MTUS2: variants seen among roughly 807,000 people sequenced by gnomAD.
MTUS2 encodes the protein microtubule-associated tumor suppressor candidate 2.
Under a neutral mutation model 114.1 loss-of-function variants are expected in MTUS2, and 40 were observed. That is an observed-to-expected ratio of 0.35 (90% confidence interval 0.27 to 0.46). The LOEUF (loss-of-function observed/expected upper bound fraction) is 0.46, where lower values mean the gene tolerates loss of function less well. Among genes scored for constraint, MTUS2 ranks in the 20% least tolerant of loss-of-function variants. MTUS2 has a pLI of 1.00. For missense variants in MTUS2, 1,679 were observed against 1,705.4 expected, an observed-to-expected ratio of 0.98 and a Z score of 0.27; for synonymous variants, 688 against 672.0, an observed-to-expected ratio of 1.02 and a Z score of -0.37.
chr13:29,269,927 A>G, intron 5 of MTUS2, among the ~76,000 whole-genome samples: 1 of 152,202 alleles, frequency 6.6e-6, no homozygotes, highest in East Asian at 1.9e-4. Context: ...TTTTGAGGAC[A>G]TTATCCTAAG....
intron 8 of MTUS2, among the ~76,000 whole-genome samples, chr13:29,413,572 A>G (rs1443695700): frequency 1.1e-5 from 1 of 88,668 alleles, no homozygotes; most frequent in African/African-American, 4.4e-5. Context: ...AAGGGCTAAT[A>G]TCCAGAATCT....
intron 6 of MTUS2, 83 bp downstream of exon 6, chr13:29,281,948 C>A: frequency 4.3e-6 from 6 of 1,404,628 alleles, no homozygotes; most frequent in Non-Finnish European, 5.8e-6. Context: ...CCCCTGTGTA[C>A]ATCAGTTATT....
chr13:28,966,744 A>C (rs1009714632), intron 2 of MTUS2, among the ~76,000 whole-genome samples: 18 of 151,754 alleles, frequency 1.2e-4, no homozygotes, highest in East Asian at 1.9e-4. Context: ...AAAAAAAAAA[A>C]AAAACAAAGA....
intron 9 of MTUS2, among the ~76,000 whole-genome samples, chr13:29,474,401 A>G (rs1278055379): frequency 6.6e-6 from 1 of 152,196 alleles, no homozygotes; most frequent in Non-Finnish European, 1.5e-5. Context: ...AATTATGACA[A>G]TAATTTTAAA....
rs776810165 is a variant in MTUS2, at chr13:29,025,263, A to G, written c.565A>G (p.Ser189Gly). Residue 189 changes from serine (S) to glycine (G), a missense_variant, in exon 3 of 16, where the codon AGC becomes GGC. Physicochemically the swap from Ser to Gly is moderately conservative, Grantham distance 56. Coordinates refer to ENST00000612955, the MANE Select transcript of MTUS2 (RefSeq NM_001033602.4). ...RASSSVAAVG[S>G]LTPQHPQPLS... Reference sequence around the variant, plus strand: ...AAGCAGCTCTGTAGCTGCAGTCGGGAGCCTGACTCCGCAGCATCCACAGCC... The same window carrying G: ...AAGCAGCTCTGTAGCTGCAGTCGGGGGCCTGACTCCGCAGCATCCACAGCC... 1 of 1,613,934 alleles carries G rather than the reference A, an allele frequency of 6.2e-7. No homozygotes were observed. Among genetic ancestry groups the G allele is most frequent in the South Asian group, 1.1e-5 (1 of 91,058 alleles).
chr13:29,082,613 T>C (rs1483231712), intron 4 of MTUS2, among the ~76,000 whole-genome samples: 2 of 152,144 alleles, frequency 1.3e-5, no homozygotes, highest in Non-Finnish European at 2.9e-5. Flanking sequence ...AGGGCCCACG[T>C]TTGGCCCTGT....
intron 2 of MTUS2, among the ~76,000 whole-genome samples, chr13:29,004,184 T>A (rs1885502821): frequency 6.7e-6 from 1 of 148,716 alleles, no homozygotes; most frequent in African/African-American, 2.5e-5. Context: ...AAAGGATATA[T>A]GGGCACGCAC....
At chr13:28,862,794 A>C (rs1877072781) in intron 2 of MTUS2, among the ~76,000 whole-genome samples, 1 of 152,212 alleles carries the variant, frequency 6.6e-6, no homozygotes, top group African/African-American at 2.4e-5. Flanking sequence ...ATTGAACATG[A>C]TAGTAAAGGA....
At chr13:29,477,516 A>T (rs1372362245) in intron 9 of MTUS2, among the ~76,000 whole-genome samples, 1 of 152,214 alleles carries the variant, frequency 6.6e-6, no homozygotes, top group Non-Finnish European at 1.5e-5. Context: ...CCTATCAGTC[A>T]TTGTTCATTA....
chr13:29,312,192 A>G (rs1044763361), intron 6 of MTUS2, among the ~76,000 whole-genome samples: 1 of 151,944 alleles, frequency 6.6e-6, no homozygotes. Flanking sequence ...CTTTGCCCAA[A>G]CCTCTGGGCT....
chr13:28,886,007 G>A (rs1878571957), intron 2 of MTUS2, among the ~76,000 whole-genome samples: 1 of 152,110 alleles, frequency 6.6e-6, no homozygotes, highest in Non-Finnish European at 1.5e-5. Context: ...GTTGGGGAAG[G>A]GCATTCCCGA....
intron 7 of MTUS2, among the ~76,000 whole-genome samples, chr13:29,325,602 A>AAG (rs1900476042): frequency 6.6e-6 from 1 of 151,398 alleles, no homozygotes; most frequent in South Asian, 2.1e-4. Flanking sequence ...GAAGAAGAAG[A>AAG]AATCCTATTG....
intron 2 of MTUS2, among the ~76,000 whole-genome samples, chr13:28,938,781 C>G (rs115981076): frequency 1.3e-5 from 2 of 152,010 alleles, no homozygotes; most frequent in South Asian, 4.2e-4. Flanking sequence ...AATAAGCCAG[C>G]GAGTTAAGTG....
intron 5 of MTUS2, among the ~76,000 whole-genome samples, chr13:29,131,395 G>T (rs183185109): frequency 7.5e-4 from 114 of 152,366 alleles, no homozygotes; most frequent in Admixed American, 1.1e-3. Flanking sequence ...ACTTAGAGAT[G>T]CCCTGGTTAC....
rs1873479282 is a variant in MTUS2, at chr13:29,391,650, T to C, written c.3117+32177T>C. Among the ~76,000 whole-genome samples the C allele has an allele frequency of 2.0e-5, 3 of 151,876 alleles. No homozygotes were observed. The South Asian group carries it at 6.2e-4, about 32-fold the overall frequency. On this transcript the variant is annotated intron_variant, in intron 8 of 15. Coordinates refer to ENST00000612955, the MANE Select transcript of MTUS2 (RefSeq NM_001033602.4). ...TGTTTGCTTTTTTAAAATGTTTTTT[T>C]TTTTCAGTTTTAATTGTGGCAAAAT...
At chr13:29,375,526 T>TA (rs1397046420) in intron 8 of MTUS2, among the ~76,000 whole-genome samples, 3 of 20,592 alleles carry the variant, frequency 1.5e-4, no homozygotes, top group East Asian at 1.9e-3. Context: ...TATATATATA[T>TA]ATATATATAT....
At chr13:28,915,843 G>C (rs577079952) in intron 2 of MTUS2, among the ~76,000 whole-genome samples, 3 of 151,828 alleles carry the variant, frequency 2.0e-5, no homozygotes, top group African/African-American at 7.2e-5. Flanking sequence ...GCCTGTCCTT[G>C]TGGGTTATTA....
chr13:28,958,299 T>A (rs7319302), intron 2 of MTUS2, among the ~76,000 whole-genome samples: 19 of 152,354 alleles, frequency 1.2e-4, no homozygotes, highest in African/African-American at 4.1e-4. Flanking sequence ...GTGGGCTGCC[T>A]GTTTTCCCGC....
intron 2 of MTUS2, among the ~76,000 whole-genome samples, chr13:28,924,713 C>G (rs1296472762): frequency 1.3e-5 from 2 of 152,148 alleles, no homozygotes; most frequent in African/African-American, 4.8e-5. Flanking sequence ...GCCATCTGGC[C>G]TCCCAGTTTC....
Sources: gnomAD v4.1 joint callset for allele counts (sites outside exome capture counted in the v4.1 genomes callset) on GRCh38, gnomAD v4.1.1 for gene constraint, MANE v1.5 for transcripts, NCBI Gene and HGNC (gene_info 2026-07-23, HGNC 2026-07-21) for gene names.